MED13L: variants seen among roughly 807,000 people sequenced by gnomAD.
The protein encoded by MED13L is mediator of RNA polymerase II transcription subunit 13-like.
MED13L carries 7 observed loss-of-function variants against 220.9 expected under a neutral mutation model. That is an observed-to-expected ratio of 0.03 (90% CI 0.02 to 0.06). The LOEUF (loss-of-function observed/expected upper bound fraction) is 0.06, where lower values mean the gene tolerates loss of function less well. MED13L is among the 10% of genes least tolerant of loss of function. The pLI, the probability that MED13L is intolerant of heterozygous loss-of-function variation, is 1.00. For missense variants in MED13L, 1,965 were observed against 2,760.5 expected (o/e 0.71, Z 6.46); for synonymous variants, 1,011 against 1,015.2 (o/e 1.00, Z 0.08).
At chr12:116,105,645 TA>T (rs1244781289) in intron 3 of MED13L, among the ~76,000 whole-genome samples, 1 of 152,186 alleles carries the variant, frequency 6.6e-6, no homozygotes, top group Non-Finnish European at 1.5e-5. Flanking sequence ...TTCAGAAACA[TA>T]TCTGTTTCAG....
chr12:116,220,204 C>T (rs1883229535), intron 2 of MED13L, among the ~76,000 whole-genome samples: 1 of 152,144 alleles, frequency 6.6e-6, no homozygotes, highest in Admixed American at 6.5e-5. Context: ...CTAATCTTTT[C>T]ACAAAACATA....
Position 116,271,544 on chromosome 12 carries a change from C to G in MED13L, c.72+5516G>C, listed in dbSNP as rs975155081. Among the ~76,000 whole-genome samples the G allele has an allele frequency of 2.0e-5, 3 of 150,596 alleles. No individual in the cohort carries two copies. The East Asian group carries it at 5.9e-4, about 30-fold the overall frequency. On this transcript the variant is annotated intron_variant, in intron 1 of 30. Coordinates refer to ENST00000281928, the MANE Select transcript of MED13L (RefSeq NM_015335.5). ...GGGAGGCTGAGGCAGGAGAATGGCA[C>G]GAACCCGGGAGGCGGAGCTTGCAGT...
At chr12:116,173,631 A>G (rs886638552) in intron 2 of MED13L, among the ~76,000 whole-genome samples, 6 of 152,196 alleles carry the variant, frequency 3.9e-5, no homozygotes, top group Non-Finnish European at 7.3e-5. Context: ...TGTTTAACAT[A>G]CTGCAATTCC....
intron 2 of MED13L, among the ~76,000 whole-genome samples, chr12:116,189,388 A>G (rs1593146251): frequency 6.6e-6 from 1 of 152,058 alleles, no homozygotes; most frequent in Non-Finnish European, 1.5e-5. Context: ...AAATCTCTAT[A>G]TATACAAGTA....
At chr12:116,211,385 T>C (rs1201206774) in intron 2 of MED13L, among the ~76,000 whole-genome samples, 1 of 151,952 alleles carries the variant, frequency 6.6e-6, no homozygotes, top group African/African-American at 2.4e-5. Flanking sequence ...AGAGTCAAAG[T>C]CCCTGTCATT....
At chr12:116,126,996 AT>A (rs1253872748) in intron 2 of MED13L, among the ~76,000 whole-genome samples, 2 of 152,096 alleles carry the variant, frequency 1.3e-5, no homozygotes, top group Non-Finnish European at 2.9e-5. Flanking sequence ...AGGTTAAAAA[AT>A]ATATATATTT....
At chr12:116,054,465 T>G (rs1482846607) in intron 4 of MED13L, among the ~76,000 whole-genome samples, 1 of 152,222 alleles carries the variant, frequency 6.6e-6, no homozygotes, top group Non-Finnish European at 1.5e-5. Flanking sequence ...ATACCTTCTT[T>G]GAGTACCTAC....
chr12:115,978,623 G>A (rs1012637244), intron 23 of MED13L, among the ~76,000 whole-genome samples: 4 of 152,208 alleles, frequency 2.6e-5, no homozygotes, highest in African/African-American at 9.6e-5. Context: ...CACCGCGCCC[G>A]GCCTGAACTG....
rs1878419333 is a variant in MED13L, at chr12:115,996,555, G to T, written c.2917C>A (p.Arg973=). ...PLKIPDACLF[R]PSWAIPPKIE... ...TTAGGAGGAATTGCCCATGAAGGCC[G>T]AAACAGACAGGCATCAGGTATCTTC... Residue 973 remains arginine, a synonymous_variant, in exon 16 of 31, where the codon CGG becomes AGG. Transcript: ENST00000281928. 2 of 1,614,070 alleles carry T rather than the reference G, an allele frequency of 1.2e-6. No individual in the cohort carries two copies.
intron 2 of MED13L, among the ~76,000 whole-genome samples, chr12:116,125,055 G>A (rs990467749): frequency 4.6e-5 from 7 of 152,094 alleles, no homozygotes; most frequent in Non-Finnish European, 1.0e-4. Context: ...CTAAGAATGT[G>A]CTACAAAATA....
chr12:115,983,430 A>T lies in MED13L; in HGVS notation c.4642T>A (p.Leu1548Ile). Reference sequence around the variant, plus strand: ...GGAGCTGCTGATCCATTTGGAGCTAAGGGCCCAGCATTCCCTGGCGTAGCT... The same window carrying T: ...GGAGCTGCTGATCCATTTGGAGCTATGGGCCCAGCATTCCCTGGCGTAGCT... ...GQATPGNAGP[L>I]APNGSAAPPA... The change falls in exon 21 of 31, where the codon TTA becomes ATA. Residue 1548 changes from leucine to isoleucine, a missense_variant. Around this residue, in one of 10 missense-constraint regions of MED13L, gnomAD observed 510 missense variants for 620.4 expected, o/e 0.82. Transcript: ENST00000281928. 1 of 1,614,184 alleles carries T rather than the reference A, an allele frequency of 6.2e-7. No homozygotes were observed. The highest frequency in any genetic ancestry group is 8.5e-7 in the Non-Finnish European group (1 of 1,180,012).
chr12:116,190,424 T>C (rs1203339802), intron 2 of MED13L, among the ~76,000 whole-genome samples: 1 of 152,200 alleles, frequency 6.6e-6, no homozygotes, highest in Non-Finnish European at 1.5e-5. Context: ...TTCAAGTAGG[T>C]TCATTTTTGT....
rs1382661245 is a variant in MED13L at position 115,983,504 on chromosome 12, A to T, written c.4568T>A (p.Leu1523Gln). 6.2e-7 allele frequency: 1 copy of T among 1,614,174 alleles called. No individual in the cohort carries two copies. The highest frequency in any genetic ancestry group is 8.5e-7 in the Non-Finnish European group (1 of 1,180,010). ...YLATLQLDSS[L>Q]LIPPKYQTPP... ...GGTCTGGTATTTAGGTGGTATCAAT[A>T]GGCTGCTATCAAGCTGCAGAGTGGC... Residue 1523 changes from leucine to glutamine, a missense_variant, in exon 21 of 31, where the codon CTA becomes CAA. Coordinates refer to ENST00000281928, the MANE Select transcript of MED13L (RefSeq NM_015335.5).
chr12:116,015,159 A>G lies in MED13L; in HGVS notation c.1125T>C (p.His375=). 4 of 1,613,854 alleles carry G rather than the reference A, an allele frequency of 2.5e-6. No individual in the cohort carries two copies. Among genetic ancestry groups the G allele is most frequent in the Admixed American group, 1.7e-5 (1 of 59,986 alleles). The part of the protein sequence containing the change: ...SGKIPPKLHN[H]MVHRVWKECI... Reference sequence around the variant, plus strand: ...ATTCCTTCCAGACTCGATGGACCATATGATTGTGGAGTTTTGGAGGAATCT... The same window carrying G: ...ATTCCTTCCAGACTCGATGGACCATGTGATTGTGGAGTTTTGGAGGAATCT... The change falls in exon 8 of 31, where the codon CAT becomes CAC. Residue 375 remains histidine, a synonymous_variant. Coordinates refer to ENST00000281928, the MANE Select transcript of MED13L (RefSeq NM_015335.5).
chr12:116,036,973 C>G (rs957392050), intron 4 of MED13L, among the ~76,000 whole-genome samples: 1 of 152,126 alleles, frequency 6.6e-6, no homozygotes, highest in Admixed American at 6.6e-5. Flanking sequence ...TCTTCTCTTT[C>G]AACTATAAGT....
chr12:115,981,022 GA>G (rs1330267050), intron 22 of MED13L, 84 bp from the exon 23 acceptor site: 2 of 1,162,590 alleles, frequency 1.7e-6, no homozygotes, highest in African/African-American at 3.1e-5. Context: ...GCTGAAAAAG[GA>G]AACGGCATGA....
At chr12:116,188,332 T>C (rs1881036888) in intron 2 of MED13L, among the ~76,000 whole-genome samples, 1 of 152,080 alleles carries the variant, frequency 6.6e-6, no homozygotes, top group South Asian at 2.1e-4. Flanking sequence ...AAAGGATACA[T>C]TGAAGATCCT....
chr12:116,049,934 TGA>T (rs1382463608), intron 4 of MED13L, among the ~76,000 whole-genome samples: 2 of 152,182 alleles, frequency 1.3e-5, no homozygotes, highest in East Asian at 1.9e-4. Flanking sequence ...TTTTAAGAAA[TGA>T]GAGATACAAA....
chr12:116,094,603 C>T (rs1872511903), intron 4 of MED13L, among the ~76,000 whole-genome samples: 2 of 152,130 alleles, frequency 1.3e-5, no homozygotes, highest in South Asian at 2.1e-4. Flanking sequence ...TTTTTATCTA[C>T]ATTTCCTCTT....
Sources: gnomAD v4.1 joint callset for allele counts (sites outside exome capture counted in the v4.1 genomes callset) on GRCh38, gnomAD v4.1.1 for gene constraint, gnomAD v4.1.1 regional missense constraint, MANE v1.5 for transcripts, NCBI Gene and HGNC (gene_info 2026-07-23, HGNC 2026-07-21) for gene names.